Variants in ZNF732 observed in about 807,000 individuals in gnomAD.
ZNF732 encodes zinc finger protein 732.
A neutral mutation model predicts 11.5 loss-of-function variants in ZNF732; 12 were observed. The ratio of observed to expected loss-of-function variants is 1.05; its 90% CI spans 0.67 to 1.70. The LOEUF is 1.70. ZNF732 is among the 40% of genes most tolerant of loss of function. The pLI, the probability that ZNF732 is intolerant of heterozygous loss-of-function variation, is 0.00. For synonymous variants in ZNF732, 231 were observed against 236.5 expected, an observed-to-expected ratio of 0.98 and a Z score of 0.21; for missense variants, 702 against 676.9, an observed-to-expected ratio of 1.04 and a Z score of -0.41.
rs1173674417 is a variant in ZNF732 at position 271,517 on chromosome 4, T to C, written c.1340A>G (p.Lys447Arg). 2 of 1,609,820 alleles carry C rather than the reference T, an allele frequency of 1.2e-6. No individual in the cohort carries two copies. The highest frequency in any genetic ancestry group is 1.7e-5 in the Admixed American group (1 of 59,722). Residue 447 changes from lysine to arginine, a missense_variant, in exon 4 of 4, where the codon AAA becomes AGA. Physicochemically the swap from Lys to Arg is conservative, Grantham distance 26. Transcript: ENST00000419098. ...AAAGGCTTTGCCACACTCTTCACATTTGTAAGGTTTCTCTCCAGTATGAAT... is the reference window on the plus strand; with the variant it reads ...AAAGGCTTTGCCACACTCTTCACATCTGTAAGGTTTCTCTCCAGTATGAAT... ...KIIHTGEKPYKCEECGKAFGW... is the reference protein window; with the variant it reads ...KIIHTGEKPYRCEECGKAFGW...
rs1560156089 is a variant in ZNF732 at position 272,562 on chromosome 4, T to G, written c.295A>C (p.Ile99Leu). 1 of 1,595,492 alleles carries G rather than the reference T, an allele frequency of 6.3e-7. No individual in the cohort carries two copies. Among genetic ancestry groups the G allele is most frequent in the Non-Finnish European group, 8.5e-7 (1 of 1,172,598 alleles). The part of the protein sequence containing the change: ...QGIEDSFHKL[I>L]LRRYEKCGHE... ...CCACATTTCTCATATCTTCTTAATA[T>G]AAGTTTGTGGAACGAATCTTCTATC... is the stretch of plus-strand genomic sequence containing the variant. Residue 99 changes from isoleucine to leucine, a missense_variant, in exon 4 of 4, where the codon ATA becomes CTA. This residue lies in a region of ZNF732 where 596 missense variants were observed against 557.9 expected (regional missense o/e 1.07). Transcript: ENST00000419098.
At chr4:297,083 T>C (rs1257312587) in intron 1 of ZNF732, among the ~76,000 whole-genome samples, 1 of 151,956 alleles carries the variant, frequency 6.6e-6, no homozygotes, top group Non-Finnish European at 1.5e-5. Flanking sequence ...CCCTGGCCAA[T>C]ATGGTGAAAC....
intron 1 of ZNF732, among the ~76,000 whole-genome samples, chr4:299,405 A>ATATATATACACATATATACACATATGTG (rs1560165091): frequency 0.04 from 222 of 5,610 alleles, 44 homozygotes; most frequent in African/African-American, 0.057. Context: ...ACATATGTGT[A>ATATATATACACATATATACACATATGTG]TATATATATA....
chr4:273,739 A>T (rs73795403), intron 3 of ZNF732, among the ~76,000 whole-genome samples: 8,173 of 151,940 alleles, frequency 0.054, 337 homozygotes, highest in African/African-American at 0.11. Context: ...AAACTCAAAA[A>T]CGACATCTTA....
At chr4:293,443 G>T (rs1423535463) in intron 3 of ZNF732, among the ~76,000 whole-genome samples, 2 of 151,784 alleles carry the variant, frequency 1.3e-5, no homozygotes, top group African/African-American at 4.8e-5. Context: ...GAGAGACAAA[G>T]AAACTGCTTC....
chr4:272,269 T>G lies in ZNF732; in HGVS notation c.588A>C (p.Thr196=). The change falls in exon 4 of 4, where the codon ACA becomes ACC. Residue 196 remains threonine (T), a synonymous_variant. Coordinates refer to ENST00000419098, the MANE Select transcript of ZNF732 (RefSeq NM_001137608.3). ...TAAAGTCTTTGCCACATTCTTCACA[T>G]GTGTAGGGTTTCTCTCCAGCATGAA... ...QGIHAGEKPY[T]CEECGKDFKW... The G allele has an allele frequency of 1.9e-6, 3 of 1,613,376 alleles. No homozygotes were observed. Among genetic ancestry groups the G allele is most frequent in the Non-Finnish European group, 1.7e-6 (2 of 1,179,558 alleles).
rs114239297 is a variant in ZNF732 at position 296,046 on chromosome 4, C to T, written c.113G>A (p.Arg38Lys). The T allele has an allele frequency of 7.9e-4, 1,269 of 1,613,678 alleles. 11 individuals are homozygous for T. In the African/African-American group the frequency reaches 0.015, roughly 20 times the overall value. ...LYRDVMLENYRNLISLGVAIS... is the reference protein window; with the variant it reads ...LYRDVMLENYKNLISLGVAIS... ...ATCCTCACCCAGGGAGATCAGGTTC[C>T]TGTAGTTCTCCAACATCACATCTCT... is the stretch of plus-strand genomic sequence containing the variant. The change falls in exon 2 of 4, where the codon AGG becomes AAG. Residue 38 changes from arginine (R) to lysine (K), a missense_variant. Around this residue, in one of 3 missense-constraint regions of ZNF732, gnomAD observed 596 missense variants for 557.9 expected, o/e 1.07. Transcript: ENST00000419098.
chr4:295,074 G>T (rs1167346521), intron 3 of ZNF732, among the ~76,000 whole-genome samples: 1 of 150,784 alleles, frequency 6.6e-6, no homozygotes, highest in African/African-American at 2.5e-5. Context: ...GCACATTTTA[G>T]ACATGTACAA....
intron 3 of ZNF732, among the ~76,000 whole-genome samples, chr4:287,068 G>A (rs1350210047): frequency 4.6e-5 from 7 of 151,982 alleles, no homozygotes; most frequent in Non-Finnish European, 1.0e-4. Context: ...GGAGAATGGC[G>A]TGAACCCGGG....
intron 3 of ZNF732, among the ~76,000 whole-genome samples, chr4:281,463 C>T (rs1553839808): frequency 6.6e-6 from 1 of 152,222 alleles, no homozygotes; most frequent in Non-Finnish European, 1.5e-5. Context: ...GTATCAGCAC[C>T]TTAATCTGCA....
At chr4:275,166 T>C (rs2108652389) in intron 3 of ZNF732, among the ~76,000 whole-genome samples, 1 of 151,728 alleles carries the variant, frequency 6.6e-6, no homozygotes, top group South Asian at 2.1e-4. Context: ...AAAAAAAGTC[T>C]TAAAGTTTTA....
intron 2 of ZNF732, 94 bp downstream of exon 2, chr4:295,935 A>C: frequency 4.2e-6 from 6 of 1,443,964 alleles, no homozygotes; most frequent in Non-Finnish European, 5.6e-6. Context: ...TGAAATTCAC[A>C]CAAAGCAGAA....
chr4:302,509 T>C (rs1453663448), intron 1 of ZNF732, among the ~76,000 whole-genome samples: 2 of 152,156 alleles, frequency 1.3e-5, no homozygotes, highest in African/African-American at 2.4e-5. Flanking sequence ...GTAATATTTA[T>C]AGAAAAAATA....
chr4:301,241 G>A (rs1553843574), intron 1 of ZNF732, among the ~76,000 whole-genome samples: 1 of 152,208 alleles, frequency 6.6e-6, no homozygotes, highest in Non-Finnish European at 1.5e-5. Context: ...AGGATGTGGA[G>A]AAATAGGAAC....
intron 2 of ZNF732, 102 bp downstream of exon 2, chr4:295,927 A>G (rs1438126682): frequency 7.2e-7 from 1 of 1,397,752 alleles, no homozygotes; most frequent in African/African-American, 1.5e-5. Context: ...AAAGAAACTG[A>G]AATTCACACA....
intron 3 of ZNF732, among the ~76,000 whole-genome samples, chr4:276,309 T>C (rs1719495062): frequency 6.6e-6 from 1 of 151,872 alleles, no homozygotes; most frequent in Admixed American, 6.6e-5. Flanking sequence ...CTGATCCATA[T>C]TTGACTTATG....
chr4:271,755 C>A lies in ZNF732; in HGVS notation c.1102G>T (p.Gly368Cys). 1 of 1,612,058 alleles carries A rather than the reference C, an allele frequency of 6.2e-7. No homozygotes were observed. Among genetic ancestry groups the A allele is most frequent in the Non-Finnish European group, 8.5e-7 (1 of 1,178,838 alleles). The change falls in exon 4 of 4, where the codon GGC (glycine) becomes TGC (cysteine). Residue 368 changes from glycine (G) to cysteine (C), a missense_variant. Coordinates refer to ENST00000419098, the MANE Select transcript of ZNF732 (RefSeq NM_001137608.3). ...GTTGCGGATTGTCTAAAGGCTTTGC[C>A]ACATTGTTCACATTTGTAGGGCTTC... is the stretch of plus-strand genomic sequence containing the variant. ...GEKPYKCEQC[G>C]KAFRQSATLN... is the part of the protein sequence containing the mutation.
At position 305,293 on chromosome 4, in the gene ZNF732, T is replaced by C. The variant is rs1553844273; in HGVS notation, c.3+15A>G. 1.2e-6 allele frequency: 2 copies of C among 1,605,880 alleles called. No individual in the cohort carries two copies. Among genetic ancestry groups the C allele is most frequent in the African/African-American group, 2.7e-5 (2 of 74,800 alleles). ...AGGCCTCCCCAGCCTTGGGACGCCC[T>C]GCCCCCACACTCACCATTTCCCCAC... On this transcript the variant is annotated intron_variant, in intron 1 of 3. Transcript: ENST00000419098.
chr4:271,268 T>G lies in ZNF732; in HGVS notation c.1589A>C (p.Tyr530Ser). The change falls in exon 4 of 4, where the codon TAT (tyrosine) becomes TCT (serine). Residue 530 changes from tyrosine (Y) to serine (S), a missense_variant. Tyr to Ser is a moderately radical substitution (Grantham distance 144). Transcript: ENST00000419098. Reference sequence around the variant, plus strand: ...TGCTTTGCCACACTCTTCACATCTATAAGGTTTCTCTCCAGTATGAATTTT... The same window carrying G: ...TGCTTTGCCACACTCTTCACATCTAGAAGGTTTCTCTCCAGTATGAATTTT... ...HKKIHTGEKP[Y>S]RCEECGKAFR... 1 of 1,578,698 alleles carries G rather than the reference T, an allele frequency of 6.3e-7. No individual in the cohort carries two copies. Among genetic ancestry groups the G allele is most frequent in the South Asian group, 1.1e-5 (1 of 87,312 alleles).
Sources: gnomAD v4.1 joint callset for allele counts (sites outside exome capture counted in the v4.1 genomes callset) on GRCh38, gnomAD v4.1.1 for gene constraint, gnomAD v4.1.1 regional missense constraint, MANE v1.5 for transcripts, NCBI Gene and HGNC (gene_info 2026-07-23, HGNC 2026-07-21) for gene names.